The following CCDC39 variants were observed in gnomAD, a reference collection of about 807,000 sequenced individuals.
CCDC39 encodes coiled-coil domain-containing protein 39.
CCDC39 carries 113 observed loss-of-function variants against 121.0 expected under a neutral mutation model. That is an observed-to-expected ratio of 0.93 (90% CI 0.80 to 1.09). CCDC39 has a LOEUF of 1.09. CCDC39 is among the 50% of genes least tolerant of loss of function. The pLI, the probability that CCDC39 is intolerant of heterozygous loss-of-function variation, is 0.00. For missense variants in CCDC39, 1,063 were observed against 1,074.7 expected (o/e 0.99, Z 0.15); for synonymous variants, 349 against 352.2 (o/e 0.99, Z 0.10).
chr3:180,624,518 T>C (rs866518890), intron 14 of CCDC39, among the ~76,000 whole-genome samples: 1 of 152,186 alleles, frequency 6.6e-6, no homozygotes, highest in South Asian at 2.1e-4. Context: ...TGTGTTTTGG[T>C]AGAATTCTGT....
chr3:180,660,625 T>A lies in CCDC39; in HGVS notation c.461A>T (p.Asp154Val), dbSNP rs1405506811. Residue 154 changes from aspartate (D) to valine (V), a missense_variant, in exon 4 of 20, where the codon GAT becomes GTT. Physicochemically the swap from Asp to Val is radical, Grantham distance 152 (BLOSUM62 -3). Transcript: ENST00000476379. ...CTTCTGGAGAGTGAGAGCATCACTA[T>A]CTTTATGAGCTGATTCTTCTAACCA... ...EAWLEESAHK[D>V]SDALTLQKYA... is the part of the protein sequence containing the mutation. 1 of 1,602,566 alleles carries A rather than the reference T, an allele frequency of 6.2e-7. No individual in the cohort carries two copies. Among genetic ancestry groups the A allele is most frequent in the South Asian group, 1.1e-5 (1 of 89,014 alleles).
At position 180,616,330 on chromosome 3, in the gene CCDC39, C is replaced by CT. The variant is rs753252051; in HGVS notation, c.2619dup (p.Gly874ArgfsTer7). 4 of 1,613,112 alleles carry CT rather than the reference C, an allele frequency of 2.5e-6. No individual in the cohort carries two copies. The highest frequency in any genetic ancestry group is 3.4e-6 in the Non-Finnish European group (4 of 1,179,464). On this transcript the variant is annotated frameshift_variant, in exon 19 of 20. Transcript: ENST00000476379. LOFTEE classifies it low-confidence loss of function (END_TRUNC). ...GGAGATCTAGAGCTCTGACGACTGC[C>CT]TTTTGTGCTAGCTGTAGGTAGTTCT...
chr3:180,668,568 T>A (rs1711950780), intron 1 of CCDC39, among the ~76,000 whole-genome samples: 1 of 152,162 alleles, frequency 6.6e-6, no homozygotes, highest in Non-Finnish European at 1.5e-5. Context: ...CAATACAGTT[T>A]TTCCCAGTTA....
chr3:180,615,108 T>G (rs1490404016), intron 19 of CCDC39, 31 bp from the exon 20 acceptor site: 1 of 1,485,468 alleles, frequency 6.7e-7, no homozygotes, highest in Non-Finnish European at 9.0e-7. Context: ...ATAAATTCAA[T>G]GCAAAGTTTA....
chr3:180,650,054 TG>T (rs1481980183), intron 9 of CCDC39, among the ~76,000 whole-genome samples: 1 of 152,174 alleles, frequency 6.6e-6, no homozygotes, highest in East Asian at 1.9e-4. Flanking sequence ...AGCCTTATAT[TG>T]GGAGATTTTG....
At chr3:180,651,579 C>T in intron 8 of CCDC39, 46 bp from the exon 9 acceptor site, 1 of 1,466,508 alleles carries the variant, frequency 6.8e-7, no homozygotes, top group South Asian at 1.4e-5. Context: ...GCCTAAAAAG[C>T]ATTTCATACA....
At chr3:180,668,790 C>T (rs1209245377) in intron 1 of CCDC39, among the ~76,000 whole-genome samples, 1 of 152,150 alleles carries the variant, frequency 6.6e-6, no homozygotes, top group Non-Finnish European at 1.5e-5. Context: ...CAGACATTCA[C>T]AATCTAGAGT....
chr3:180,637,867 G>A (rs902899967), intron 13 of CCDC39, among the ~76,000 whole-genome samples: 11 of 152,254 alleles, frequency 7.2e-5, no homozygotes, highest in Admixed American at 5.9e-4. Flanking sequence ...TTATAAGTGG[G>A]AGCTAAATGA....
chr3:180,618,127 T>C (rs1443369213), intron 16 of CCDC39, among the ~76,000 whole-genome samples: 4 of 152,186 alleles, frequency 2.6e-5, no homozygotes, highest in Non-Finnish European at 4.4e-5. Flanking sequence ...AACAATAGGC[T>C]ATACCATCTA....
chr3:180,627,651 A>C (rs73885305), intron 14 of CCDC39, among the ~76,000 whole-genome samples: 2,768 of 152,306 alleles, frequency 0.018, 112 homozygotes, highest in African/African-American at 0.064. Flanking sequence ...TGGAAATGAG[A>C]TTTGAAAAAT....
intron 13 of CCDC39, among the ~76,000 whole-genome samples, chr3:180,638,948 C>T (rs529761530): frequency 2.0e-5 from 3 of 152,114 alleles, no homozygotes; most frequent in Admixed American, 2.0e-4. Context: ...AATTTTACTC[C>T]TAAGTATTTA....
At position 180,614,734 on chromosome 3, in the gene CCDC39, A is replaced by G. The variant is rs1040218655; in HGVS notation, c.*187T>C. 1.3e-5 allele frequency: 7 copies of G among 520,622 alleles called. No homozygotes were observed. The African/African-American group carries it at 1.4e-4, about 10-fold the overall frequency. 32.3% of individuals were successfully genotyped at this position (520,622 alleles called of 1,614,324 possible). On this transcript the variant is annotated 3_prime_UTR_variant, in exon 20 of 20. Coordinates refer to ENST00000476379, the MANE Select transcript of CCDC39 (RefSeq NM_181426.2). ...GTAGCCTTGTCAAGAATCTGCTATTAATTTCTTCAGTATGAAGAAAACAGT... is the reference window on the plus strand; with the variant it reads ...GTAGCCTTGTCAAGAATCTGCTATTGATTTCTTCAGTATGAAGAAAACAGT...
At chr3:180,678,570 T>A (rs1712299902) in intron 1 of CCDC39, among the ~76,000 whole-genome samples, 1 of 152,050 alleles carries the variant, frequency 6.6e-6, no homozygotes, top group Non-Finnish European at 1.5e-5. Flanking sequence ...TTGTTCAAGC[T>A]TGTTTTACTC....
intron 14 of CCDC39, among the ~76,000 whole-genome samples, chr3:180,627,154 A>C (rs1717583221): frequency 6.6e-6 from 1 of 152,316 alleles, no homozygotes; most frequent in African/African-American, 2.4e-5. Context: ...GGGAATTGTA[A>C]AGATAAGTTT....
At position 180,661,871 on chromosome 3, in the gene CCDC39, C is replaced by A; in HGVS notation, c.347G>T (p.Ser116Ile). ...TATTTCAACATATACTTCTTTATCA[C>A]TTTTCTTTTCCAGTATTGAAGCCAT... ...NEMASILEKKSDKENGIFKAT... is the reference protein window; with the variant it reads ...NEMASILEKKIDKENGIFKAT... The change falls in exon 3 of 20, where the codon AGT (serine) becomes ATT (isoleucine). Residue 116 changes from serine (S) to isoleucine (I), a missense_variant. By Grantham distance (142) the Ser-to-Ile change is moderately radical (BLOSUM62 -2). Transcript: ENST00000476379. The A allele has an allele frequency of 6.3e-7, 1 of 1,582,338 alleles. No individual in the cohort carries two copies. Among genetic ancestry groups the A allele is most frequent in the South Asian group, 1.2e-5 (1 of 86,668 alleles).
chr3:180,672,790 G>A (rs1712086583), intron 1 of CCDC39, among the ~76,000 whole-genome samples: 2 of 152,334 alleles, frequency 1.3e-5, no homozygotes, highest in South Asian at 4.1e-4. Flanking sequence ...CATAGATAGT[G>A]ATTCCTACGA....
At chr3:180,674,099 C>G (rs542699405) in intron 1 of CCDC39, among the ~76,000 whole-genome samples, 1 of 152,104 alleles carries the variant, frequency 6.6e-6, no homozygotes, top group East Asian at 1.9e-4. Context: ...ATTGATTCTT[C>G]CTATTCATGA....
At chr3:180,661,711 A>G in intron 3 of CCDC39, 150 bp downstream of exon 3, 4 of 630,940 alleles carry the variant, frequency 6.3e-6, no homozygotes, top group Non-Finnish European at 5.5e-6. Context: ...TCACAGCTCC[A>G]TGTGCCTTTC....
chr3:180,649,245 G>C (rs1357452697), intron 9 of CCDC39, among the ~76,000 whole-genome samples: 1 of 152,066 alleles, frequency 6.6e-6, no homozygotes, highest in Admixed American at 6.6e-5. Context: ...ATAGAAATGA[G>C]TCTCCCATTC....
Sources: allele counts gnomAD v4.1 joint callset (sites outside exome capture counted in the v4.1 genomes callset), GRCh38; gene constraint gnomAD v4.1.1; transcripts MANE v1.5; gene names NCBI Gene and HGNC (gene_info 2026-07-23, HGNC 2026-07-21).